MON2: variants seen among roughly 807,000 people sequenced by gnomAD.
The protein encoded by MON2 is protein MON2 homolog.
MON2 carries 84 observed loss-of-function variants against 208.6 expected under a neutral mutation model. The ratio of observed to expected loss-of-function variants is 0.40; its 90% CI spans 0.34 to 0.48. MON2 has a LOEUF of 0.48. Ranked by LOEUF, MON2 falls within the 20% of genes least tolerant of loss-of-function variation. The probability of loss-of-function intolerance (pLI) is 0.59; values close to 1 mark genes in which losing one functional copy is unlikely to be tolerated. For missense variants in MON2, 1,611 were observed against 2,015.4 expected (o/e 0.80, Z 3.84); for synonymous variants, 660 against 694.0 (o/e 0.95, Z 0.77).
At chr12:62,480,261 T>C (rs562264776) in intron 1 of MON2, among the ~76,000 whole-genome samples, 1 of 152,300 alleles carries the variant, frequency 6.6e-6, no homozygotes, top group South Asian at 2.1e-4. Context: ...ATTTTGGAAC[T>C]ACTTAAAAAA....
At chr12:62,532,777 A>T in intron 12 of MON2, 107 bp downstream of exon 12, 1 of 755,772 alleles carries the variant, frequency 1.3e-6, no homozygotes. Context: ...AGTGTTAACC[A>T]CTTTCCCACA....
chr12:62,555,557 C>T (rs2073928849), intron 24 of MON2, among the ~76,000 whole-genome samples: 1 of 152,136 alleles, frequency 6.6e-6, no homozygotes, highest in Non-Finnish European at 1.5e-5. Context: ...CGCCTGTAAT[C>T]CCAACACTTT....
At chr12:62,584,661 C>T (rs1288959324) in intron 32 of MON2, among the ~76,000 whole-genome samples, 2 of 147,068 alleles carry the variant, frequency 1.4e-5, no homozygotes, top group Non-Finnish European at 3.0e-5. Flanking sequence ...CAAGATTACA[C>T]CACTGCACTC....
At position 62,560,792 on chromosome 12, in the gene MON2, G is replaced by T. The variant is rs1459030201; in HGVS notation, c.3711G>T (p.Leu1237Phe). The change falls in exon 26 of 35, where the codon TTG (leucine) becomes TTT (phenylalanine). Residue 1237 changes from leucine to phenylalanine, a missense_variant. Physicochemically the swap from Leu to Phe is conservative, Grantham distance 22 (BLOSUM62 0). Transcript: ENST00000393630. ...TTGTTACTGATGAGCTTGAAGATTT[G>T]AATCTATGGTGGGCTGCGTGGAATA... Reference protein sequence around the residue: ...PPIVTDELEDLNLWWAAWNTW... With the variant: ...PPIVTDELEDFNLWWAAWNTW... The T allele has an allele frequency of 1.2e-6, 2 of 1,614,084 alleles. No individual in the cohort carries two copies. Among genetic ancestry groups the T allele is most frequent in the South Asian group, 1.1e-5 (1 of 91,078 alleles).
In MON2 at chr12:62,508,427, A is replaced by C. The variant is rs747385917; in HGVS notation, c.931A>C (p.Met311Leu). 6.2e-7 allele frequency: 1 copy of C among 1,614,142 alleles called. No homozygotes were observed. The highest frequency in any genetic ancestry group is 1.7e-5 in the Admixed American group (1 of 60,024). The change falls in exon 8 of 35, where the codon ATG becomes CTG. Residue 311 changes from methionine (M) to leucine (L), a missense_variant. Physicochemically the swap from Met to Leu is conservative, Grantham distance 15. Coordinates refer to ENST00000393630, the MANE Select transcript of MON2 (RefSeq NM_015026.3). ...PVEKPYFPIC[M>L]RLLRVVSVLI... ...TGAAAAACCATATTTTCCTATCTGC[A>C]TGCGTTTGCTGAGAGTAGTATCTGT...
intron 7 of MON2, among the ~76,000 whole-genome samples, chr12:62,506,782 C>G: frequency 6.6e-6 from 1 of 151,614 alleles, no homozygotes; most frequent in Admixed American, 6.6e-5. Flanking sequence ...ACAACCTGCT[C>G]TGTGCCTTAT....
chr12:62,546,767 A>C (rs2073505657), intron 21 of MON2, 130 bp from the exon 22 acceptor site: 1 of 700,864 alleles, frequency 1.4e-6, no homozygotes, highest in Non-Finnish European at 2.2e-6. Context: ...AAAAAAAATA[A>C]ATAAAACATA....
chr12:62,468,536 G>C (rs1050738909), intron 1 of MON2, among the ~76,000 whole-genome samples: 6 of 152,110 alleles, frequency 3.9e-5, no homozygotes, highest in African/African-American at 1.4e-4. Flanking sequence ...TTCTGTAAGT[G>C]CATTGGTTTT....
At chr12:62,576,927 CTA>C (rs2074811183) in intron 30 of MON2, among the ~76,000 whole-genome samples, 2 of 151,422 alleles carry the variant, frequency 1.3e-5, no homozygotes, top group Non-Finnish European at 2.9e-5. Context: ...AGTATACACA[CTA>C]AAAGTATTAA....
chr12:62,474,018 C>G (rs1042203682), intron 1 of MON2, among the ~76,000 whole-genome samples: 2 of 152,094 alleles, frequency 1.3e-5, no homozygotes, highest in African/African-American at 4.8e-5. Context: ...GTCATTTGCT[C>G]TCTTTACTGA....
chr12:62,585,135 A>C (rs1014491623), intron 32 of MON2, among the ~76,000 whole-genome samples, 159 bp from the exon 33 acceptor site: 5 of 149,608 alleles, frequency 3.3e-5, no homozygotes, highest in African/African-American at 7.4e-5. Flanking sequence ...CAAAAAAAAA[A>C]CACATTTTCA....
rs12299886 is a variant in MON2, at chr12:62,583,980, A to C, written c.4700-1314A>C. On this transcript the variant is annotated intron_variant, in intron 32 of 34. Transcript: ENST00000393630. ...TGTCTCAAAAAAAAAAAAAACAAAA[A>C]AAAAAAACAGACAGTGGAATTCTCA... Among the ~76,000 whole-genome samples, 1,007 of 151,332 alleles carry C rather than the reference A, an allele frequency of 6.7e-3. 13 individuals are homozygous for C. Among genetic ancestry groups the C allele is most frequent in the African/African-American group, 0.022 (920 of 41,242 alleles).
Position 62,534,542 on chromosome 12 carries a change from A to ATATATATATATT in MON2, c.1634-303_1634-302insTATATATATATT, listed in dbSNP as rs1306662466. On this transcript the variant is annotated intron_variant, in intron 12 of 34. Transcript: ENST00000393630. ...GCAAAAAAAAAAAAAAAAAAAAAAAAATATATATATATATATATATATATA... is the reference window on the plus strand; with the variant it reads ...GCAAAAAAAAAAAAAAAAAAAAAAAATATATATATATTATATATATATATATATATATATATA... Among the ~76,000 whole-genome samples the ATATATATATATT allele has an allele frequency of 3.4e-3, 77 of 22,832 alleles. 3 individuals carry two copies. The highest frequency in any genetic ancestry group is 0.014 in the African/African-American group (74 of 5,112). 15.0% of individuals were successfully genotyped at this position (22,832 alleles called of 152,430 possible). A position where few individuals can be genotyped will look rare whatever the true frequency, so the allele number is the denominator to read the frequency against.
chr12:62,517,389 C>CT (rs1267340146), intron 8 of MON2, among the ~76,000 whole-genome samples: 9 of 152,026 alleles, frequency 5.9e-5, no homozygotes, highest in South Asian at 2.1e-4. Flanking sequence ...TCATCATCAT[C>CT]TTTTTTTTAA....
At chr12:62,505,926 C>T (rs1207764771) in intron 7 of MON2, among the ~76,000 whole-genome samples, 1 of 151,732 alleles carries the variant, frequency 6.6e-6, no homozygotes, top group Non-Finnish European at 1.5e-5. Flanking sequence ...ACAAAGAGAT[C>T]TGATAAGATG....
At chr12:62,586,168 G>A (rs970769877) in intron 33 of MON2, among the ~76,000 whole-genome samples, 4 of 152,088 alleles carry the variant, frequency 2.6e-5, no homozygotes, top group African/African-American at 9.7e-5. Context: ...TAGAGTTTAA[G>A]GCATAACTAA....
At chr12:62,588,805 A>G in intron 34 of MON2, 1 of 1,148,258 alleles carries the variant, frequency 8.7e-7, no homozygotes, top group Non-Finnish European at 1.2e-6. Flanking sequence ...CTAAACTAAA[A>G]TTCTCAATCT....
chr12:62,555,757 C>T (rs569671978), intron 24 of MON2, among the ~76,000 whole-genome samples: 31 of 142,554 alleles, frequency 2.2e-4, no homozygotes, highest in African/African-American at 7.9e-4. Context: ...TGCAGTGAGG[C>T]GAGATTGTGC....
At chr12:62,560,252 T>C (rs2074147229) in intron 25 of MON2, 1 of 363,002 alleles carries the variant, frequency 2.8e-6, no homozygotes, top group East Asian at 4.9e-5. Flanking sequence ...TTATTTGATA[T>C]ATCCATCATC....
Sources: gnomAD v4.1 joint callset for allele counts (sites outside exome capture counted in the v4.1 genomes callset) on GRCh38, gnomAD v4.1.1 for gene constraint, MANE v1.5 for transcripts, NCBI Gene and HGNC (gene_info 2026-07-23, HGNC 2026-07-21) for gene names.